PTPRD: variants seen among roughly 807,000 people sequenced by gnomAD.
The protein encoded by PTPRD is receptor-type tyrosine-protein phosphatase delta.
PTPRD carries 34 observed loss-of-function variants against 214.5 expected under a neutral mutation model. That is an observed-to-expected ratio of 0.16 (90% confidence interval 0.12 to 0.21). The LOEUF (loss-of-function observed/expected upper bound fraction) is 0.21, where lower values mean the gene tolerates loss of function less well. Ranked by LOEUF, PTPRD falls within the 10% of genes least tolerant of loss-of-function variation. The probability of loss-of-function intolerance (pLI) is 1.00; values close to 1 mark genes in which losing one functional copy is unlikely to be tolerated. For synonymous variants in PTPRD, 1,128 were observed against 845.7 expected (o/e 1.33, Z -5.79); for missense variants, 2,545 against 2,398.7 (o/e 1.06, Z -1.27).
intron 10 of PTPRD, among the ~76,000 whole-genome samples, chr9:9,059,918 G>T (rs1416752813): frequency 6.6e-6 from 1 of 151,834 alleles, no homozygotes; most frequent in Non-Finnish European, 1.5e-5. Flanking sequence ...ATAAATGGAG[G>T]GTTACCCCAT....
chr9:9,807,613 T>C (rs2045857095), intron 5 of PTPRD, among the ~76,000 whole-genome samples: 1 of 152,180 alleles, frequency 6.6e-6, no homozygotes, highest in East Asian at 1.9e-4. Flanking sequence ...TGAAAATATC[T>C]TGCTTTTATT....
chr9:9,419,778 G>C (rs1004792813), intron 8 of PTPRD, among the ~76,000 whole-genome samples: 4 of 151,752 alleles, frequency 2.6e-5, no homozygotes, highest in East Asian at 3.9e-4. Flanking sequence ...TTATAAAGAT[G>C]ACTGCAAGGA....
chr9:10,585,457 A>C (rs2073588187), intron 2 of PTPRD, among the ~76,000 whole-genome samples: 1 of 152,056 alleles, frequency 6.6e-6, no homozygotes, highest in Non-Finnish European at 1.5e-5. Flanking sequence ...CAATTCAGAA[A>C]AAAAAAATCA....
chr9:8,416,485 T>C (rs888116018), intron 35 of PTPRD, among the ~76,000 whole-genome samples: 1 of 152,166 alleles, frequency 6.6e-6, no homozygotes, highest in Non-Finnish European at 1.5e-5. Flanking sequence ...AGTTGCAGAA[T>C]ACTTTTCACA....
chr9:9,096,254 G>C (rs1379195167), intron 10 of PTPRD, among the ~76,000 whole-genome samples: 1 of 152,164 alleles, frequency 6.6e-6, no homozygotes, highest in Non-Finnish European at 1.5e-5. Context: ...ATAACTGTGA[G>C]TTGCTGGATA....
intron 14 of PTPRD, among the ~76,000 whole-genome samples, chr9:8,587,067 G>A (rs1304881921): frequency 2.0e-5 from 3 of 152,024 alleles, no homozygotes; most frequent in East Asian, 3.9e-4. Context: ...GGAGAATGGT[G>A]TGAGTCCAGG....
intron 3 of PTPRD, among the ~76,000 whole-genome samples, chr9:10,086,224 T>C (rs2098335006): frequency 6.6e-6 from 1 of 151,846 alleles, no homozygotes; most frequent in Non-Finnish European, 1.5e-5. Context: ...GTAACAGCGC[T>C]GTAGACTTAT....
At chr9:9,106,545 A>T (rs146933179) in intron 10 of PTPRD, among the ~76,000 whole-genome samples, 1,604 of 147,638 alleles carry the variant, frequency 0.011, 15 homozygotes, top group Middle Eastern at 0.021. Context: ...CATACTACAG[A>T]GAAGCTCCCA....
intron 10 of PTPRD, among the ~76,000 whole-genome samples, chr9:9,042,534 C>T (rs1316517461): frequency 1.3e-5 from 2 of 151,684 alleles, no homozygotes; most frequent in Admixed American, 1.3e-4. Context: ...CAGCAGGTGC[C>T]AGATGAGAAA....
chr9:8,353,185 A>G (rs1284862932), intron 39 of PTPRD, among the ~76,000 whole-genome samples: 1 of 152,122 alleles, frequency 6.6e-6, no homozygotes, highest in Non-Finnish European at 1.5e-5. Context: ...GAAGGCTCTA[A>G]ATCTGTGGTT....
At chr9:8,761,041 C>G (rs1325033282) in intron 11 of PTPRD, among the ~76,000 whole-genome samples, 1 of 152,104 alleles carries the variant, frequency 6.6e-6, no homozygotes, top group East Asian at 1.9e-4. Context: ...AGAAGGACAC[C>G]AAGCTTTTTA....
At chr9:9,249,887 A>G (rs370247520) in intron 9 of PTPRD, among the ~76,000 whole-genome samples, 1 of 152,126 alleles carries the variant, frequency 6.6e-6, no homozygotes, top group Non-Finnish European at 1.5e-5. Context: ...GTAATGAATT[A>G]TAGTTCTTTA....
rs772233051 is a variant in PTPRD at position 9,212,444 on chromosome 9, T to A, written c.-202-29081A>T. Among the ~76,000 whole-genome samples, 60 of 152,316 alleles carry A rather than the reference T, an allele frequency of 3.9e-4. 1 individual carries two copies. Among genetic ancestry groups the A allele is most frequent in the Admixed American group, 9.8e-4 (15 of 15,298 alleles). ...CTATTGTTGCCTCCTCACTATTTAG[T>A]CAGTCTGTTTATAACTTGTGATTTT... On this transcript the variant is annotated intron_variant, in intron 9 of 45. Transcript: ENST00000381196.
chr9:9,693,698 T>C (rs1252774024), intron 7 of PTPRD, among the ~76,000 whole-genome samples: 2 of 152,210 alleles, frequency 1.3e-5, no homozygotes, highest in African/African-American at 4.8e-5. Context: ...TGTCTTTCTC[T>C]ACCTCCTCTT....
chr9:10,292,652 A>G (rs1460081355), intron 3 of PTPRD, among the ~76,000 whole-genome samples: 1 of 152,006 alleles, frequency 6.6e-6, no homozygotes, highest in African/African-American at 2.4e-5. Context: ...TAGTGAAATC[A>G]AATGAAATAT....
intron 11 of PTPRD, among the ~76,000 whole-genome samples, chr9:8,925,565 C>G (rs1433376123): frequency 6.7e-6 from 1 of 150,288 alleles, no homozygotes; most frequent in African/African-American, 2.5e-5. Flanking sequence ...TGCCCACCCC[C>G]ACCACCCCCG....
chr9:9,691,540 A>G (rs938449036), intron 7 of PTPRD, among the ~76,000 whole-genome samples: 1 of 152,028 alleles, frequency 6.6e-6, no homozygotes, highest in African/African-American at 2.4e-5. Context: ...GTTGATGGAA[A>G]CTTAAGTTGC....
chr9:10,089,375 C>CTTATTTT, intron 3 of PTPRD, among the ~76,000 whole-genome samples: 1 of 151,480 alleles, frequency 6.6e-6, no homozygotes, highest in Admixed American at 6.6e-5. Flanking sequence ...ATGGAATAGA[C>CTTATTTT]TTATTTTGCC....
intron 14 of PTPRD, among the ~76,000 whole-genome samples, chr9:8,565,839 A>G (rs2088817838): frequency 6.6e-6 from 1 of 152,230 alleles, no homozygotes; most frequent in African/African-American, 2.4e-5. Context: ...TAGCATTAAT[A>G]GCAAAAGCAT....
Sources: gnomAD v4.1 joint callset for allele counts (sites outside exome capture counted in the v4.1 genomes callset) on GRCh38, gnomAD v4.1.1 for gene constraint, MANE v1.5 for transcripts, NCBI Gene and HGNC (gene_info 2026-07-23, HGNC 2026-07-21) for gene names.